Variants in CYP27A1 observed in about 807,000 individuals in gnomAD.
The protein encoded by CYP27A1 is cytochrome P450 family 27 subfamily A member 1, also known as sterol 26-hydroxylase, mitochondrial.
CYP27A1 carries 46 observed loss-of-function variants against 58.2 expected under a neutral mutation model. The ratio of observed to expected loss-of-function variants is 0.79; its 90% CI spans 0.62 to 1.01. CYP27A1 has a LOEUF of 1.01. CYP27A1 is among the 50% of genes least tolerant of loss of function. The pLI, the probability that CYP27A1 is intolerant of heterozygous loss-of-function variation, is 0.00. For synonymous variants in CYP27A1, 274 were observed against 285.1 expected, an observed-to-expected ratio of 0.96 and a Z score of 0.39; for missense variants, 704 against 687.0, an observed-to-expected ratio of 1.02 and a Z score of -0.28.
At chr2:218,793,598 AT>A (rs1943517148) in intron 1 of CYP27A1, among the ~76,000 whole-genome samples, 1 of 152,144 alleles carries the variant, frequency 6.6e-6, no homozygotes, top group Admixed American at 6.6e-5. Flanking sequence ...GTATTAGTAT[AT>A]TATCATATTA....
chr2:218,782,382 G>A lies in CYP27A1; in HGVS notation c.200G>A (p.Arg67His). Residue 67 changes from arginine to histidine, a missense_variant, in exon 1 of 9, where the codon CGC (arginine) becomes CAC (histidine). By Grantham distance (29) the Arg-to-His change is conservative. Coordinates refer to ENST00000258415, the MANE Select transcript of CYP27A1 (RefSeq NM_000784.4). The surrounding 1 kb of genome is among the most constrained non-coding windows in gnomAD (Gnocchi z 4.1). ...LEEIPRLGQL[R>H]FFFQLFVQGY... ...GAGATTCCACGTCTAGGACAGCTGCGCTTCTTCTTTCAGCTGTTCGTTCAA... is the reference window on the plus strand; with the variant it reads ...GAGATTCCACGTCTAGGACAGCTGCACTTCTTCTTTCAGCTGTTCGTTCAA... 3 of 1,614,188 alleles carry A rather than the reference G, an allele frequency of 1.9e-6. No homozygotes were observed. The highest frequency in any genetic ancestry group is 2.5e-6 in the Non-Finnish European group (3 of 1,179,986).
chr2:218,792,561 A>G (rs1237317685), intron 1 of CYP27A1, among the ~76,000 whole-genome samples: 1 of 151,974 alleles, frequency 6.6e-6, no homozygotes, highest in Non-Finnish European at 1.5e-5. Context: ...CCTTTCATGA[A>G]CCTCCTTAAA....
intron 2 of CYP27A1, among the ~76,000 whole-genome samples, chr2:218,811,629 G>C (rs574512363): frequency 2.0e-5 from 3 of 152,108 alleles, no homozygotes; most frequent in Non-Finnish European, 4.4e-5. Flanking sequence ...CATCAGCCTC[G>C]TGGGCCTCCC....
At chr2:218,783,047 A>G (rs1943409391) in intron 1 of CYP27A1, among the ~76,000 whole-genome samples, 1 of 152,114 alleles carries the variant, frequency 6.6e-6, no homozygotes. Flanking sequence ...ACCTGAAGTC[A>G]GGAGTTTGAG....
chr2:218,790,702 T>C (rs1943484026), intron 1 of CYP27A1, among the ~76,000 whole-genome samples: 1 of 151,802 alleles, frequency 6.6e-6, no homozygotes, highest in African/African-American at 2.4e-5. Flanking sequence ...TTTCTTTCTT[T>C]CTTTTTTTTT....
At chr2:218,797,332 C>G (rs1227604503) in intron 1 of CYP27A1, among the ~76,000 whole-genome samples, 1 of 152,168 alleles carries the variant, frequency 6.6e-6, no homozygotes, top group East Asian at 1.9e-4. Flanking sequence ...AACTCCTGAT[C>G]TCAGGTGACC....
At chr2:218,812,107 T>C (rs763438356) in intron 2 of CYP27A1, 115 bp from the exon 3 acceptor site, 7 of 773,780 alleles carry the variant, frequency 9.0e-6, no homozygotes, top group Non-Finnish European at 1.3e-5. Flanking sequence ...TCTAGGAGTA[T>C]GGGATTTCCC....
chr2:218,783,238 C>T (rs1405678659), intron 1 of CYP27A1, among the ~76,000 whole-genome samples: 2 of 87,504 alleles, frequency 2.3e-5, no homozygotes, highest in South Asian at 3.5e-4. Flanking sequence ...GTCTGGGCAA[C>T]AAGAGCGAAA....
chr2:218,805,964 C>T (rs961794020), intron 1 of CYP27A1: 4 of 152,214 alleles, frequency 2.6e-5, no homozygotes, highest in African/African-American at 9.7e-5. Flanking sequence ...TCCCAGAAAC[C>T]TCCATACTGA....
At chr2:218,812,866 G>A in intron 4 of CYP27A1, 58 bp from the exon 5 acceptor site, 3 of 1,612,510 alleles carry the variant, frequency 1.9e-6, no homozygotes, top group Middle Eastern at 1.7e-4. Flanking sequence ...GTGGCTCTTG[G>A]TCCTTGGAGA....
intron 1 of CYP27A1, 71 bp from the exon 2 acceptor site, chr2:218,809,506 C>G: frequency 1.0e-6 from 1 of 955,404 alleles, no homozygotes; most frequent in Non-Finnish European, 1.6e-6. Flanking sequence ...GACCCTTCCT[C>G]ACCTCATCTC....
At chr2:218,812,043 TG>T (rs1411041492) in intron 2 of CYP27A1, among the ~76,000 whole-genome samples, 178 bp from the exon 3 acceptor site, 1 of 152,198 alleles carries the variant, frequency 6.6e-6, no homozygotes, top group East Asian at 1.9e-4. Context: ...GATTCTGGTT[TG>T]GGGATTCTAA....
At chr2:218,810,869 T>C (rs965602322) in intron 2 of CYP27A1, among the ~76,000 whole-genome samples, 15 of 152,114 alleles carry the variant, frequency 9.9e-5, no homozygotes, top group Non-Finnish European at 2.1e-4. Context: ...AAAATTTGAC[T>C]GGGTGCGGTG....
At chr2:218,803,503 A>C (rs1321288240) in intron 1 of CYP27A1, among the ~76,000 whole-genome samples, 1 of 152,050 alleles carries the variant, frequency 6.6e-6, no homozygotes, top group Admixed American at 6.5e-5. Flanking sequence ...TTGGCACTGC[A>C]ACCTCTGCCT....
intron 1 of CYP27A1, among the ~76,000 whole-genome samples, chr2:218,807,607 T>C (rs1286956706): frequency 6.6e-6 from 1 of 152,132 alleles, no homozygotes; most frequent in Non-Finnish European, 1.5e-5. Context: ...GACCCTCCCA[T>C]AGTAATCACT....
At chr2:218,803,028 T>C (rs987415175) in intron 1 of CYP27A1, among the ~76,000 whole-genome samples, 1 of 152,244 alleles carries the variant, frequency 6.6e-6, no homozygotes, top group African/African-American at 2.4e-5. Context: ...CACCGCAACC[T>C]CTGCCTCTTG....
chr2:218,812,769 G>A lies in CYP27A1; in HGVS notation c.844+20G>A, dbSNP rs200698553. On this transcript the variant is annotated intron_variant, in intron 4 of 8. Transcript: ENST00000258415. ...CCTTTGGTGAGGACTCCCAGATGGG[G>A]CCCAGGGAAGAGAGATGGGGGTGAC... The A allele has an allele frequency of 3.1e-5, 50 of 1,613,780 alleles. No homozygotes were observed. The highest frequency in any genetic ancestry group is 3.9e-5 in the Non-Finnish European group (46 of 1,179,660).
Position 218,814,194 on chromosome 2 carries a change from C to G in CYP27A1, c.1184+7C>G, listed in dbSNP as rs1575206765. 6.2e-7 allele frequency: 1 copy of G among 1,614,218 alleles called. No individual in the cohort carries two copies. On this transcript the variant is annotated splice_region_variant and intron_variant, in intron 6 of 8. Transcript: ENST00000258415. ...TGCTTAAGGAGACTCTGCGGTAGGA[C>G]AGAATGCTGTTCTGGGGGGCACAGG...
At chr2:218,792,509 C>A (rs143417367) in intron 1 of CYP27A1, among the ~76,000 whole-genome samples, 2 of 152,034 alleles carry the variant, frequency 1.3e-5, no homozygotes, top group African/African-American at 4.8e-5. Context: ...TTATTATAAC[C>A]TTTTAAAATA....
Sources: gnomAD v4.1 joint callset for allele counts (sites outside exome capture counted in the v4.1 genomes callset) on GRCh38, gnomAD v4.1.1 for gene constraint, Gnocchi (gnomAD v3.1) non-coding constraint, MANE v1.5 for transcripts, NCBI Gene and HGNC (gene_info 2026-07-23, HGNC 2026-07-21) for gene names.